PCNX2: variants seen among roughly 807,000 people sequenced by gnomAD.
The protein encoded by PCNX2 is pecanex 2, also known as pecanex-like protein 2.
PCNX2 carries 168 observed loss-of-function variants against 223.8 expected under a neutral mutation model. The observed-to-expected ratio is 0.75, with a 90% CI of 0.66 to 0.85. The LOEUF is 0.85. Ranked by LOEUF, PCNX2 falls within the 40% of genes least tolerant of loss-of-function variation. PCNX2 has a pLI of 0.00. For missense variants in PCNX2, 2,507 were observed against 2,675.5 expected (o/e 0.94, Z 1.39); for synonymous variants, 1,006 against 1,052.6 (o/e 0.96, Z 0.86).
At chr1:233,024,144 G>A (rs1247147358) in intron 26 of PCNX2, among the ~76,000 whole-genome samples, 1 of 152,210 alleles carries the variant, frequency 6.6e-6, no homozygotes, top group South Asian at 2.1e-4. Context: ...TGAACTTCTG[G>A]GCTCAAACAA....
rs558492776 is a variant in PCNX2, at chr1:233,240,120, T to C, written c.2223-3140A>G. Among the ~76,000 whole-genome samples, 106 of 152,314 alleles carry C rather than the reference T, an allele frequency of 7.0e-4. 1 individual carries two copies. Among genetic ancestry groups the C allele is most frequent in the African/African-American group, 2.5e-3 (104 of 41,572 alleles). On this transcript the variant is annotated intron_variant, in intron 8 of 33. Transcript: ENST00000258229. ...AATGGTTACATGCTTACAGTAAGCA[T>C]TGCTCAAATGGAGACGTTTCCCTTA...
At position 233,203,863 on chromosome 1, in the gene PCNX2, C is replaced by A. The variant is rs545611145; in HGVS notation, c.2864-3599G>T. ...GGTAACCCATACATCACCAACAAGA[C>A]ACTGCTCTAGGAAATACTCCATGCT... On this transcript the variant is annotated intron_variant, in intron 13 of 33. Transcript: ENST00000258229. Among the ~76,000 whole-genome samples, 20 of 152,280 alleles carry A rather than the reference C, an allele frequency of 1.3e-4. No individual in the cohort carries two copies. The South Asian group carries it at 4.1e-3, about 32-fold the overall frequency.
chr1:233,060,856 G>C (rs1430103877), intron 23 of PCNX2, among the ~76,000 whole-genome samples: 2 of 152,078 alleles, frequency 1.3e-5, no homozygotes, highest in African/African-American at 4.8e-5. Flanking sequence ...CGTATAACAG[G>C]ACTCTCCAGA....
At chr1:233,233,281 A>G (rs1658177905) in intron 9 of PCNX2, among the ~76,000 whole-genome samples, 2 of 152,212 alleles carry the variant, frequency 1.3e-5, no homozygotes, top group South Asian at 4.1e-4. Flanking sequence ...TTAATTGGTA[A>G]TATTCAAAAC....
intron 9 of PCNX2, among the ~76,000 whole-genome samples, chr1:233,235,053 C>A (rs568313631): frequency 6.6e-6 from 1 of 152,136 alleles, no homozygotes; most frequent in African/African-American, 2.4e-5. Flanking sequence ...CACCCGGTGA[C>A]TGGACTAAGG....
chr1:233,135,124 A>G lies in PCNX2; in HGVS notation c.3726T>C (p.Val1242=). The G allele has an allele frequency of 6.2e-7, 1 of 1,613,804 alleles. No homozygotes were observed. Among genetic ancestry groups the G allele is most frequent in the Non-Finnish European group, 8.5e-7 (1 of 1,179,726 alleles). The part of the protein sequence containing the change: ...KLLRTSFCNP[V]YQFINLSFTV... ...TGAAGCTCAAGTTAATAAACTGGTAAACCGGGTTGCAGAATGATGTCCGCA... is the reference window on the plus strand; with the variant it reads ...TGAAGCTCAAGTTAATAAACTGGTAGACCGGGTTGCAGAATGATGTCCGCA... Residue 1242 remains valine, a synonymous_variant, in exon 21 of 34, where the codon GTT becomes GTC. Coordinates refer to ENST00000258229, the MANE Select transcript of PCNX2 (RefSeq NM_014801.4).
At chr1:233,038,995 T>C (rs1671552011) in intron 25 of PCNX2, among the ~76,000 whole-genome samples, 1 of 152,166 alleles carries the variant, frequency 6.6e-6, no homozygotes, top group Non-Finnish European at 1.5e-5. Context: ...GTTCATTCTA[T>C]AAGAGCCATC....
intron 1 of PCNX2, among the ~76,000 whole-genome samples, chr1:233,268,643 A>G (rs1660473318): frequency 6.6e-6 from 1 of 152,196 alleles, no homozygotes; most frequent in Non-Finnish European, 1.5e-5. Flanking sequence ...AGCAACTTCA[A>G]TGACCTGACT....
chr1:233,103,649 A>G lies in PCNX2; in HGVS notation c.3838-7786T>C, dbSNP rs111752071. ...ATGGCTGAATAGTACTCCATTGTGT[A>G]TAAGTACCACATTTTAAAAAATCCA... On this transcript the variant is annotated intron_variant, in intron 21 of 33. Coordinates refer to ENST00000258229, the MANE Select transcript of PCNX2 (RefSeq NM_014801.4). 5.8e-3 allele frequency among the ~76,000 whole-genome samples: 882 copies of G among 152,268 alleles called. 6 individuals carry two copies. The highest frequency in any genetic ancestry group is 0.021 in the African/African-American group (854 of 41,560).
intron 17 of PCNX2, among the ~76,000 whole-genome samples, chr1:233,177,244 A>T (rs1679529128): frequency 6.6e-6 from 1 of 152,194 alleles, no homozygotes; most frequent in African/African-American, 2.4e-5. Flanking sequence ...TGGCATGCTT[A>T]TACTGGTCCA....
chr1:233,126,657 C>T lies in PCNX2; in HGVS notation c.3837+8356G>A, dbSNP rs1037834741. On this transcript the variant is annotated intron_variant, in intron 21 of 33. Coordinates refer to ENST00000258229, the MANE Select transcript of PCNX2 (RefSeq NM_014801.4). The surrounding 1 kb of genome is among the most constrained non-coding windows in gnomAD (Gnocchi z 4.8). ...TAAAACAGACTTTTTTTGTATTTTCCATTGCTTTTCTAATTTTATCATGAT... is the reference window on the plus strand; with the variant it reads ...TAAAACAGACTTTTTTTGTATTTTCTATTGCTTTTCTAATTTTATCATGAT... 6.6e-6 allele frequency among the ~76,000 whole-genome samples: 1 copy of T among 151,884 alleles called. No individual in the cohort carries two copies. The highest frequency in any genetic ancestry group is 1.5e-5 in the Non-Finnish European group (1 of 67,964).
chr1:233,000,548 AGT>A lies in PCNX2; in HGVS notation c.5098-15_5098-14del. On this transcript the variant is annotated splice_polypyrimidine_tract_variant and intron_variant, in intron 29 of 33. Transcript: ENST00000258229. The surrounding 1 kb of genome is among the most constrained non-coding windows in gnomAD (Gnocchi z 4.6). ...AAGTGAACTGGTCCTGGTGGGAAGA[AGT>A]GTGGGTGTGGGCTGGGCAAGGACCA... 1 of 1,568,090 alleles carries A rather than the reference AGT, an allele frequency of 6.4e-7. No individual in the cohort carries two copies. Among genetic ancestry groups the A allele is most frequent in the Non-Finnish European group, 8.6e-7 (1 of 1,161,940 alleles).
At chr1:233,284,913 A>G in intron 1 of PCNX2, 1 of 953,210 alleles carries the variant, frequency 1.0e-6, no homozygotes, top group South Asian at 4.9e-5. Flanking sequence ...ATCCAGGGTC[A>G]TGGGGGGGAT....
intron 3 of PCNX2, among the ~76,000 whole-genome samples, chr1:233,261,650 T>G (rs1660048997): frequency 6.6e-6 from 1 of 152,214 alleles, no homozygotes; most frequent in African/African-American, 2.4e-5. Flanking sequence ...ATTTATTGAC[T>G]TCCCAAAAAG....
intron 28 of PCNX2, among the ~76,000 whole-genome samples, chr1:233,005,230 A>G (rs1670238894): frequency 6.6e-6 from 1 of 152,332 alleles, no homozygotes; most frequent in East Asian, 1.9e-4. Context: ...CATATGCATA[A>G]GAGAAAAAGC....
the PCNX2 span, among the ~76,000 whole-genome samples, chr1:233,325,478 G>A: frequency 6.0e-5 from 8 of 132,834 alleles, 1 homozygote; most frequent in African/African-American, 2.3e-4. Flanking sequence ...CTAACACAGT[G>A]AAACCCTGTC....
chr1:233,248,815 C>A (rs1462830572), intron 8 of PCNX2, among the ~76,000 whole-genome samples: 1 of 152,196 alleles, frequency 6.6e-6, no homozygotes, highest in African/African-American at 2.4e-5. Flanking sequence ...AGCATCAACA[C>A]ATTCAGTTGC....
At chr1:233,263,271 T>TTTATA in intron 1 of PCNX2, 108 bp from the exon 2 acceptor site, 1 of 937,494 alleles carries the variant, frequency 1.1e-6, no homozygotes, top group Non-Finnish European at 1.5e-6. Context: ...TTAGGCAAGA[T>TTTATA]TTCAAATTAG....
chr1:233,112,722 C>A, intron 21 of PCNX2: 6 of 687,618 alleles, frequency 8.7e-6, no homozygotes, highest in Admixed American at 6.1e-5. Context: ...AACAATATAA[C>A]TAAATTCACA....
Sources: allele counts gnomAD v4.1 joint callset (sites outside exome capture counted in the v4.1 genomes callset), GRCh38; gene constraint gnomAD v4.1.1; non-coding constraint Gnocchi (gnomAD v3.1); transcripts MANE v1.5; gene names NCBI Gene and HGNC (gene_info 2026-07-23, HGNC 2026-07-21).